STS: variants seen among roughly 807,000 people sequenced by gnomAD.
STS encodes steroid sulfatase.
In STS, 7 loss-of-function variants were observed where a neutral mutation model predicts 26.8. That is an observed-to-expected ratio of 0.26 (90% CI 0.15 to 0.49). The LOEUF is 0.49. Ranked by LOEUF, STS falls within the 20% of genes least tolerant of loss-of-function variation. The probability of loss-of-function intolerance (pLI) is 0.98; values close to 1 mark genes in which losing one functional copy is unlikely to be tolerated. For missense variants in STS, 434 were observed against 465.6 expected, an observed-to-expected ratio of 0.93 and a Z score of 0.63; for synonymous variants, 199 against 189.4, an observed-to-expected ratio of 1.05 and a Z score of -0.42.
chrX:7,187,761 C>G (rs1375386144), intron 1 of STS, among the ~76,000 whole-genome samples: 21 of 111,900 alleles, frequency 1.9e-4, no homozygotes, highest in Non-Finnish European at 3.8e-5. Flanking sequence ...CTCAATACAA[C>G]AAAATGGGCA....
At chrX:7,212,596 C>A (rs1465075657) in intron 2 of STS, among the ~76,000 whole-genome samples, 1 of 112,123 alleles carries the variant, frequency 8.9e-6, no homozygotes, top group Non-Finnish European at 1.9e-5. Context: ...CTTCTTGCCC[C>A]AGGAGTTACT....
chrX:7,259,530 C>T lies in STS; in HGVS notation c.564C>T (p.Val188=), dbSNP rs748874334. ...KRLVFLPLQI[V]GVTLLTLAAL... is the part of the protein sequence containing the mutation. ...TGGTCTTCCTCCCCCTGCAGATCGT[C>T]GGGGTCACCCTCCTTACCCTTGCTG... is the stretch of plus-strand genomic sequence containing the variant. Residue 188 remains valine, a synonymous_variant, in exon 6 of 11, where the codon GTC becomes GTT. Transcript: ENST00000674429. 4.8e-5 allele frequency: 58 copies of T among 1,209,958 alleles called. No individual in the cohort carries two copies. Among genetic ancestry groups the T allele is most frequent in the East Asian group, 3.3e-4 (11 of 33,741 alleles).
intron 7 of STS, among the ~76,000 whole-genome samples, chrX:7,282,743 A>G (rs142303483): frequency 0.01 from 1,173 of 112,449 alleles, 16 homozygotes; most frequent in African/African-American, 0.036. Flanking sequence ...TAGGTGCTCA[A>G]TAAGGAAGTT....
chrX:7,151,972 A>G (rs1423091141), intron 1 of STS, among the ~76,000 whole-genome samples: 1 of 111,010 alleles, frequency 9.0e-6, no homozygotes, highest in Non-Finnish European at 1.9e-5. Context: ...TTATTTTTTG[A>G]GATGGAGTCT....
intron 2 of STS, among the ~76,000 whole-genome samples, chrX:7,230,988 C>G (rs1400864515): frequency 8.9e-6 from 1 of 112,097 alleles, no homozygotes; most frequent in Non-Finnish European, 1.9e-5. Flanking sequence ...GATTATTTTC[C>G]ATATGACCCA....
intron 7 of STS, among the ~76,000 whole-genome samples, chrX:7,281,190 G>GA (rs76185203): frequency 2.4e-3 from 237 of 100,359 alleles, no homozygotes; most frequent in Middle Eastern, 5.1e-3. Flanking sequence ...CCTTGCTATG[G>GA]AAAAAAAAAA....
At chrX:7,335,270 T>C (rs1242806524) in intron 10 of STS, among the ~76,000 whole-genome samples, 1 of 112,401 alleles carries the variant, frequency 8.9e-6, no homozygotes, top group African/African-American at 3.2e-5. Context: ...CCAGCACCTG[T>C]TGTTTCCTGA....
Position 7,276,377 on chromosome X carries a change from G to A in STS, c.943+290G>A, listed in dbSNP as rs1924539148. Among the ~76,000 whole-genome samples, 4 of 111,006 alleles carry A rather than the reference G, an allele frequency of 3.6e-5. No individual in the cohort carries two copies. The South Asian group carries it at 1.2e-3, about 32-fold the overall frequency. ...TCCCAGCTAATTGGGAGGCTGAGGT[G>A]GGAGGACGTCTTGAACCCAGGAGGT... On this transcript the variant is annotated intron_variant, in intron 7 of 10. Coordinates refer to ENST00000674429, the MANE Select transcript of STS (RefSeq NM_001320752.2).
chrX:7,347,474 C>T (rs371709600), intron 10 of STS, among the ~76,000 whole-genome samples: 3 of 112,252 alleles, frequency 2.7e-5, no homozygotes, highest in Admixed American at 9.4e-5. Context: ...AGCAACACCA[C>T]TGCCATTCCC....
chrX:7,195,625 T>C (rs1421495454), intron 2 of STS, among the ~76,000 whole-genome samples: 1 of 112,702 alleles, frequency 8.9e-6, no homozygotes, highest in Non-Finnish European at 1.9e-5. Flanking sequence ...CTTAATTTGC[T>C]ATCTTTACAT....
intron 7 of STS, 81 bp from the exon 8 acceptor site, chrX:7,304,965 G>A: frequency 3.6e-6 from 4 of 1,121,336 alleles, no homozygotes; most frequent in Non-Finnish European, 4.9e-6. Context: ...TGAGAAATTA[G>A]CCACCCACTG....
intron 2 of STS, among the ~76,000 whole-genome samples, chrX:7,237,593 A>T (rs927375757): frequency 3.6e-5 from 4 of 112,393 alleles, no homozygotes; most frequent in African/African-American, 1.3e-4. Context: ...CATCAACTTG[A>T]CTGAGCTAAG....
intron 8 of STS, among the ~76,000 whole-genome samples, chrX:7,306,882 G>C (rs1337209698): frequency 1.8e-5 from 2 of 112,043 alleles, no homozygotes; most frequent in African/African-American, 6.5e-5. Flanking sequence ...AGCTCAGTAA[G>C]GCCAGATTAC....
At chrX:7,324,079 T>G (rs763135322) in intron 8 of STS, among the ~76,000 whole-genome samples, 7 of 111,183 alleles carry the variant, frequency 6.3e-5, no homozygotes, top group Non-Finnish European at 1.1e-4. Flanking sequence ...ACAGCTTGAT[T>G]TATACATTTT....
intron 1 of STS, among the ~76,000 whole-genome samples, chrX:7,169,467 C>T (rs1208090389): frequency 3.6e-5 from 4 of 112,257 alleles, no homozygotes; most frequent in African/African-American, 1.3e-4. Flanking sequence ...TTCACCTTTT[C>T]GCTATTGTGA....
intron 1 of STS, among the ~76,000 whole-genome samples, chrX:7,176,730 A>C (rs1331182368): frequency 9.0e-6 from 1 of 111,306 alleles, no homozygotes; most frequent in Non-Finnish European, 1.9e-5. Flanking sequence ...AGATCTTGTG[A>C]GAACTTACTC....
At chrX:7,183,794 G>A (rs1933725169) in intron 1 of STS, among the ~76,000 whole-genome samples, 1 of 111,482 alleles carries the variant, frequency 9.0e-6, no homozygotes, top group Admixed American at 9.6e-5. Flanking sequence ...CTGAGGTCAA[G>A]AGTTCAAGAC....
intron 2 of STS, among the ~76,000 whole-genome samples, chrX:7,216,962 G>A (rs1342666606): frequency 9.0e-6 from 1 of 111,406 alleles, no homozygotes; most frequent in African/African-American, 3.3e-5. Context: ...CATCGCAACA[G>A]GTGCAGGGAC....
chrX:7,175,871 A>G (rs1343221680), intron 1 of STS, among the ~76,000 whole-genome samples: 1 of 110,449 alleles, frequency 9.1e-6, no homozygotes, highest in Non-Finnish European at 1.9e-5. Flanking sequence ...TTTCCAAAAT[A>G]CCTCTTGAAT....
Sources: allele counts gnomAD v4.1 joint callset (sites outside exome capture counted in the v4.1 genomes callset), GRCh38; gene constraint gnomAD v4.1.1; transcripts MANE v1.5; gene names NCBI Gene and HGNC (gene_info 2026-07-23, HGNC 2026-07-21).